GDA: variants seen among roughly 807,000 people sequenced by gnomAD.
GDA encodes cytoplasmic PSD-95 interactor.
Under a neutral mutation model 59.6 loss-of-function variants are expected in GDA, and 18 were observed. That is an observed-to-expected ratio of 0.30 (90% CI 0.21 to 0.45). The LOEUF (loss-of-function observed/expected upper bound fraction) is 0.45. GDA is among the 20% of genes least tolerant of loss of function. GDA has a pLI of 1.00. For synonymous variants in GDA, 201 were observed against 201.1 expected (o/e 1.00, Z 0.00); for missense variants, 427 against 552.3 (o/e 0.77, Z 2.27).
chr9:72,135,032 G>T (rs995812164), intron 1 of GDA, among the ~76,000 whole-genome samples: 3 of 152,122 alleles, frequency 2.0e-5, no homozygotes, highest in African/African-American at 7.2e-5. Context: ...GAACCACAAG[G>T]TTCTATAGAT....
intron 7 of GDA, among the ~76,000 whole-genome samples, chr9:72,223,788 T>C (rs933384548): frequency 6.6e-6 from 1 of 152,186 alleles, no homozygotes; most frequent in African/African-American, 2.4e-5. Flanking sequence ...TTTTAAAGCT[T>C]ATATCTGGGT....
chr9:72,120,786 A>C (rs1246449763), intron 1 of GDA, among the ~76,000 whole-genome samples: 1 of 152,160 alleles, frequency 6.6e-6, no homozygotes, highest in East Asian at 1.9e-4. Flanking sequence ...TGCTTCCACC[A>C]CCTACCCTTT....
chr9:72,150,595 T>C (rs886584016), intron 1 of GDA, among the ~76,000 whole-genome samples: 5 of 152,088 alleles, frequency 3.3e-5, no homozygotes, highest in Admixed American at 6.6e-5. Context: ...AAAATAAATA[T>C]GGAGATGGGA....
intron 1 of GDA, among the ~76,000 whole-genome samples, chr9:72,136,277 C>G (rs1244139449): frequency 1.3e-5 from 2 of 152,158 alleles, no homozygotes; most frequent in Non-Finnish European, 2.9e-5. Context: ...AACAAGGCTA[C>G]AGAAATGTTA....
At chr9:72,189,171 T>TC in intron 1 of GDA, among the ~76,000 whole-genome samples, 1 of 101,348 alleles carries the variant, frequency 9.9e-6, no homozygotes, top group Non-Finnish European at 2.1e-5. Flanking sequence ...CTAGACTTTT[T>TC]TTTTTTTTTT....
At chr9:72,135,004 T>A (rs1279588661) in intron 1 of GDA, among the ~76,000 whole-genome samples, 2 of 152,194 alleles carry the variant, frequency 1.3e-5, no homozygotes, top group African/African-American at 4.8e-5. Flanking sequence ...TACTTCCCTG[T>A]TGTGCAATAT....
In GDA at chr9:72,195,583, C is replaced by G. The variant is rs770292555; in HGVS notation, c.207C>G (p.Ser69Arg). The G allele has an allele frequency of 6.6e-7, 1 of 1,525,192 alleles. No individual in the cohort carries two copies. Among genetic ancestry groups the G allele is most frequent in the South Asian group, 1.2e-5 (1 of 82,416 alleles). The allele number at this position is 1,525,192 out of a possible 1,614,324, so 94.5% of individuals were successfully genotyped here. A position where few individuals can be genotyped will look rare whatever the true frequency, so the allele number is the denominator to read the frequency against. ...CFKPCEIREL[S>R]HHEFFMPGLV... ...AGCCGTGTGAAATAAGAGAACTGAGCCACCAGTAAGTTGTTACTTCTTCCC... is the reference window on the plus strand; with the variant it reads ...AGCCGTGTGAAATAAGAGAACTGAGGCACCAGTAAGTTGTTACTTCTTCCC... Residue 69 changes from serine to arginine, a missense_variant, in exon 2 of 14, where the codon AGC (serine) becomes AGG (arginine). By Grantham distance (110) the Ser-to-Arg change is moderately radical. Coordinates refer to ENST00000358399, the MANE Select transcript of GDA (RefSeq NM_004293.5).
chr9:72,223,181 T>C lies in GDA; in HGVS notation c.668T>C (p.Met223Thr), dbSNP rs1385895256. 6.2e-7 allele frequency: 1 copy of C among 1,613,442 alleles called. No individual in the cohort carries two copies. Among genetic ancestry groups the C allele is most frequent in the Non-Finnish European group, 8.5e-7 (1 of 1,179,400 alleles). Reference sequence around the variant, plus strand: ...TCCCTCTCCTGCTCTGAGACTTTGATGGGTGAACTGGGCAACATTGCTAAA... The same window carrying C: ...TCCCTCTCCTGCTCTGAGACTTTGACGGGTGAACTGGGCAACATTGCTAAA... ...RFSLSCSETL[M>T]GELGNIAKTR... The change falls in exon 7 of 14, where the codon ATG becomes ACG. Residue 223 changes from methionine to threonine, a missense_variant. Transcript: ENST00000358399.
intron 9 of GDA, among the ~76,000 whole-genome samples, 170 bp from the exon 10 acceptor site, chr9:72,230,944 G>A (rs1332743675): frequency 1.3e-5 from 2 of 151,988 alleles, no homozygotes; most frequent in Non-Finnish European, 2.9e-5. Context: ...TTATGATCCT[G>A]TTTACTCCAG....
chr9:72,152,882 T>C (rs1462467568), intron 1 of GDA, among the ~76,000 whole-genome samples: 1 of 152,198 alleles, frequency 6.6e-6, no homozygotes, highest in African/African-American at 2.4e-5. Context: ...ATGTCCTGAA[T>C]GGTAATGCCT....
At chr9:72,117,666 A>G (rs1825503711) in intron 1 of GDA, among the ~76,000 whole-genome samples, 1 of 152,182 alleles carries the variant, frequency 6.6e-6, no homozygotes, top group African/African-American at 2.4e-5. Flanking sequence ...CATCCAGTGG[A>G]CTTCTCCCTC....
intron 1 of GDA, among the ~76,000 whole-genome samples, chr9:72,142,344 G>T (rs879876368): frequency 6.6e-6 from 1 of 152,006 alleles, no homozygotes; most frequent in African/African-American, 2.4e-5. Context: ...GGCCGGGTGC[G>T]GTAGCTCATA....
intron 1 of GDA, among the ~76,000 whole-genome samples, chr9:72,118,839 A>G (rs1393299442): frequency 1.3e-5 from 2 of 152,162 alleles, no homozygotes; most frequent in Non-Finnish European, 2.9e-5. Flanking sequence ...TTAACATTGC[A>G]TGACAAAGGA....
chr9:72,191,495 G>A (rs1460680919), intron 1 of GDA, among the ~76,000 whole-genome samples: 18 of 148,926 alleles, frequency 1.2e-4, no homozygotes, highest in African/African-American at 3.0e-4. Context: ...TTTTTGAGAC[G>A]GAGTCTTGCT....
chr9:72,149,695 G>T lies in GDA; in HGVS notation c.123+13G>T. 6.3e-7 allele frequency: 1 copy of T among 1,592,692 alleles called. No homozygotes were observed. Among genetic ancestry groups the T allele is most frequent in the Non-Finnish European group, 8.5e-7 (1 of 1,171,298 alleles). Reference sequence around the variant, plus strand: ...CGACAGCGGCAAAGTAAGCAGGCGCGGGGTCGAGCGCACTCCGACGGGCGG... The same window carrying T: ...CGACAGCGGCAAAGTAAGCAGGCGCTGGGTCGAGCGCACTCCGACGGGCGG... On this transcript the variant is annotated intron_variant, in intron 1 of 13. Transcript: ENST00000358399.
downstream of GDA, among the ~76,000 whole-genome samples, chr9:72,259,275 G>C (rs149770084): frequency 6.6e-6 from 1 of 151,900 alleles, no homozygotes; most frequent in South Asian, 2.1e-4. Flanking sequence ...CTCCCACCTC[G>C]GCCTCCCAAA....
At chr9:72,247,885 A>G (rs996642304) in intron 13 of GDA, among the ~76,000 whole-genome samples, 2 of 152,152 alleles carry the variant, frequency 1.3e-5, no homozygotes, top group Non-Finnish European at 1.5e-5. Context: ...TGAGCCCAGG[A>G]CTGAGTGAAC....
At chr9:72,163,198 G>C (rs1478131088) in intron 1 of GDA, among the ~76,000 whole-genome samples, 3 of 152,076 alleles carry the variant, frequency 2.0e-5, no homozygotes, top group African/African-American at 4.8e-5. Context: ...AGCTTTCCTG[G>C]GTTTTAGGCT....
At chr9:72,196,904 C>G (rs138932651) in intron 2 of GDA, among the ~76,000 whole-genome samples, 134 of 152,172 alleles carry the variant, frequency 8.8e-4, no homozygotes, top group African/African-American at 3.2e-3. Context: ...CATCTATGTC[C>G]CTGCAAAGGA....
Sources: gnomAD v4.1 joint callset for allele counts (sites outside exome capture counted in the v4.1 genomes callset) on GRCh38, gnomAD v4.1.1 for gene constraint, MANE v1.5 for transcripts, NCBI Gene and HGNC (gene_info 2026-07-23, HGNC 2026-07-21) for gene names.